SAMMSON: variants seen among roughly 807,000 people sequenced by gnomAD.
SAMMSON encodes the protein survival associated mitochondrial melanoma specific oncogenic non-coding RNA, also known as long intergenic non-protein coding RNA 1212.
chr3:70,096,436 C>T (rs1044224712), intron 4 of SAMMSON, among the ~76,000 whole-genome samples: 4 of 152,076 alleles, frequency 2.6e-5, no homozygotes, highest in African/African-American at 9.7e-5. Flanking sequence ...TCCAGCTACT[C>T]AGGAGACTGA....
chr3:70,214,751 C>G (rs185227754), intron 4 of SAMMSON, among the ~76,000 whole-genome samples: 103 of 152,050 alleles, frequency 6.8e-4, no homozygotes, highest in Non-Finnish European at 1.2e-3. Flanking sequence ...CAATTGACTC[C>G]TAAGAGATAG....
At chr3:70,206,384 C>A (rs936791363) in intron 4 of SAMMSON, among the ~76,000 whole-genome samples, 4 of 152,056 alleles carry the variant, frequency 2.6e-5, no homozygotes, top group Admixed American at 6.6e-5. Context: ...AGCAAACAAT[C>A]TGCCAAGCGC....
At chr3:70,353,718 C>G (rs892924830) in intron 7 of SAMMSON, among the ~76,000 whole-genome samples, 3 of 152,092 alleles carry the variant, frequency 2.0e-5, no homozygotes, top group African/African-American at 7.2e-5. Context: ...AATTCTTGGG[C>G]ATTTATCCCA....
At chr3:70,012,862 A>T (rs935566684) in intron 2 of SAMMSON, among the ~76,000 whole-genome samples, 15 of 152,090 alleles carry the variant, frequency 9.9e-5, no homozygotes, top group African/African-American at 3.4e-4. Context: ...TCGTACATAG[A>T]TAGGATGGTA....
At chr3:70,087,406 G>T (rs550858302) in intron 4 of SAMMSON, among the ~76,000 whole-genome samples, 1 of 152,146 alleles carries the variant, frequency 6.6e-6, no homozygotes, top group Non-Finnish European at 1.5e-5. Flanking sequence ...TATTCTTGCC[G>T]ACTTAGGGGT....
chr3:70,253,694 G>A (rs919282790), intron 6 of SAMMSON, among the ~76,000 whole-genome samples: 1 of 152,138 alleles, frequency 6.6e-6, no homozygotes, highest in Non-Finnish European at 1.5e-5. Flanking sequence ...CTGTACTGCA[G>A]CCTGGGCTAC....
At chr3:70,026,994 A>G (rs2067043018) in intron 3 of SAMMSON, among the ~76,000 whole-genome samples, 1 of 152,200 alleles carries the variant, frequency 6.6e-6, no homozygotes, top group African/African-American at 2.4e-5. Flanking sequence ...AGTAGGGCTG[A>G]TTCCCAGACT....
chr3:70,312,006 T>C (rs187943474), intron 7 of SAMMSON: 431 of 397,480 alleles, frequency 1.1e-3, no homozygotes, highest in Non-Finnish European at 9.0e-4. Context: ...ATATAAAAAA[T>C]TCATTAAGAA....
rs1007795567 is a variant in SAMMSON at position 70,186,617 on chromosome 3, G to T, written n.508-62490G>T. Among the ~76,000 whole-genome samples, 13 of 152,076 alleles carry T rather than the reference G, an allele frequency of 8.5e-5. 1 individual carries two copies. Among genetic ancestry groups the T allele is most frequent in the South Asian group, 4.1e-4 (2 of 4,824 alleles). On this transcript the variant is annotated intron_variant and non_coding_transcript_variant, in intron 4 of 9. Transcript: ENST00000642114. ...TTGAAAGGTTACCTAATAGTTGAAAGGGGTTTCATTGATGGCACCGAATTG... is the reference window on the plus strand; with the variant it reads ...TTGAAAGGTTACCTAATAGTTGAAATGGGTTTCATTGATGGCACCGAATTG...
chr3:70,077,458 G>A (rs1241396092), intron 4 of SAMMSON, among the ~76,000 whole-genome samples: 1 of 152,012 alleles, frequency 6.6e-6, no homozygotes, highest in African/African-American at 2.4e-5. Flanking sequence ...ATGTTTCCTT[G>A]GGAATAAAGA....
chr3:70,041,077 A>T (rs889228659), intron 3 of SAMMSON, among the ~76,000 whole-genome samples: 1 of 152,122 alleles, frequency 6.6e-6, no homozygotes, highest in Non-Finnish European at 1.5e-5. Context: ...AGTAAGGCTC[A>T]GTTTTGGTAA....
intron 3 of SAMMSON, among the ~76,000 whole-genome samples, chr3:70,024,560 C>T (rs1367224110): frequency 6.6e-6 from 1 of 152,194 alleles, no homozygotes; most frequent in Admixed American, 6.5e-5. Flanking sequence ...GGAGACCCCT[C>T]CCAGCCACCA....
At chr3:70,032,585 C>T (rs180968661) in intron 3 of SAMMSON, among the ~76,000 whole-genome samples, 13 of 152,260 alleles carry the variant, frequency 8.5e-5, no homozygotes, top group Admixed American at 2.6e-4. Context: ...GCAGATCTTA[C>T]GCTTTCTATT....
At chr3:70,374,859 G>A (rs1200340206) in intron 9 of SAMMSON, among the ~76,000 whole-genome samples, 6 of 152,156 alleles carry the variant, frequency 3.9e-5, no homozygotes, top group Non-Finnish European at 7.3e-5. Context: ...AAAAGTTTCT[G>A]TCTTGCTAAA....
At chr3:70,337,107 T>C (rs1397984506) in intron 7 of SAMMSON, among the ~76,000 whole-genome samples, 1 of 40,610 alleles carries the variant, frequency 2.5e-5, no homozygotes, top group Non-Finnish European at 6.1e-5. Flanking sequence ...ATATCTAACT[T>C]AATATTCTTA....
In SAMMSON at chr3:70,327,706, C is replaced by T. The variant is rs540384379; in HGVS notation, n.740-26469C>T. 1.6e-4 allele frequency among the ~76,000 whole-genome samples: 25 copies of T among 152,264 alleles called. 1 individual carries two copies. In the South Asian group the frequency reaches 5.2e-3, roughly 32 times the overall value. On this transcript the variant is annotated intron_variant and non_coding_transcript_variant, in intron 7 of 9. Coordinates refer to ENST00000642114, the Ensembl canonical transcript of SAMMSON. ...CACCAGGCAGAATAAAAAGACTTCACCACTGGGCATCCAGTAAGTCCTCAG... is the reference window on the plus strand; with the variant it reads ...CACCAGGCAGAATAAAAAGACTTCATCACTGGGCATCCAGTAAGTCCTCAG...
intron 4 of SAMMSON, among the ~76,000 whole-genome samples, chr3:70,237,214 T>C (rs1412234299): frequency 6.6e-6 from 1 of 152,234 alleles, no homozygotes; most frequent in African/African-American, 2.4e-5. Flanking sequence ...TTTGTTAGTA[T>C]ATCCTGGAGG....
intron 7 of SAMMSON, among the ~76,000 whole-genome samples, chr3:70,342,513 C>T (rs1277695521): frequency 6.6e-6 from 1 of 152,080 alleles, no homozygotes; most frequent in Non-Finnish European, 1.5e-5. Context: ...AAGTATTTGT[C>T]TTAGTGTCTG....
intron 3 of SAMMSON, among the ~76,000 whole-genome samples, chr3:70,044,369 CT>C (rs2067116381): frequency 6.6e-6 from 1 of 151,814 alleles, no homozygotes; most frequent in African/African-American, 2.4e-5. Context: ...ATGTTTTAGG[CT>C]GCTAAAGTTT....
Sources: allele counts gnomAD v4.1 joint callset (sites outside exome capture counted in the v4.1 genomes callset), GRCh38; gene constraint gnomAD v4.1.1; transcripts MANE v1.5; gene names NCBI Gene and HGNC (gene_info 2026-07-23, HGNC 2026-07-21).